The following CAMK1D variants were observed in gnomAD, a reference collection of about 807,000 sequenced individuals.
CAMK1D encodes the protein calcium/calmodulin dependent protein kinase ID.
Under a neutral mutation model 47.7 loss-of-function variants are expected in CAMK1D, and 9 were observed. The observed-to-expected ratio is 0.19, with a 90% CI of 0.11 to 0.33. The LOEUF is 0.33. CAMK1D is among the 10% of genes least tolerant of loss of function. CAMK1D has a pLI of 1.00. For missense variants in CAMK1D, 291 were observed against 488.7 expected (o/e 0.60, Z 3.81); for synonymous variants, 184 against 184.9 (o/e 0.99, Z 0.04).
At chr10:12,602,859 G>C (rs1838342934) in intron 2 of CAMK1D, among the ~76,000 whole-genome samples, 1 of 131,798 alleles carries the variant, frequency 7.6e-6, no homozygotes, top group South Asian at 2.3e-4. Flanking sequence ...GACCCACAGT[G>C]ACTCCCATAA....
In CAMK1D at chr10:12,509,791, G is replaced by A. The variant is rs1324668215; in HGVS notation, c.93-43434G>A. On this transcript the variant is annotated intron_variant, in intron 1 of 10. Coordinates refer to ENST00000619168, the MANE Select transcript of CAMK1D (RefSeq NM_153498.4). The stretch of plus-strand genomic sequence containing the variant: ...TCTAAGTGGTTCTTGTCTGAAACCA[G>A]GCTCTAGTAAAGTCCTGCCGTTCTA... 9.9e-5 allele frequency among the ~76,000 whole-genome samples: 15 copies of A among 152,156 alleles called. 1 individual carries two copies.
chr10:12,523,146 G>T (rs911202118), intron 1 of CAMK1D, among the ~76,000 whole-genome samples: 1 of 150,998 alleles, frequency 6.6e-6, no homozygotes, highest in Non-Finnish European at 1.5e-5. Context: ...CCTCCCAGAC[G>T]GGGTCGCGGC....
chr10:12,651,574 T>C (rs1210619310), intron 2 of CAMK1D, among the ~76,000 whole-genome samples: 2 of 151,852 alleles, frequency 1.3e-5, no homozygotes, highest in Non-Finnish European at 2.9e-5. Context: ...GTATTTTTTT[T>C]TTCTTTTTGG....
At chr10:12,381,568 C>T (rs1282443639) in intron 1 of CAMK1D, among the ~76,000 whole-genome samples, 5 of 152,078 alleles carry the variant, frequency 3.3e-5, no homozygotes, top group African/African-American at 9.7e-5. Flanking sequence ...TCAGGTGATC[C>T]GCCTGCCTTG....
In CAMK1D at chr10:12,681,727, CAACA is replaced by C. The variant is rs765582769; in HGVS notation, c.299+14920_299+14923del. ...CTAACATGGTATCAAACTTATTTGT[CAACA>C]AATACCCCATATTTTGGTATGTTGG... On this transcript the variant is annotated intron_variant, in intron 3 of 10. Coordinates refer to ENST00000619168, the MANE Select transcript of CAMK1D (RefSeq NM_153498.4). Among the ~76,000 whole-genome samples, 15 of 152,294 alleles carry C rather than the reference CAACA, an allele frequency of 9.8e-5. No homozygotes were observed. The East Asian group carries it at 1.2e-3, about 12-fold the overall frequency.
In CAMK1D at chr10:12,644,200, G is replaced by A. The variant is rs576523553; in HGVS notation, c.225-22536G>A. Among the ~76,000 whole-genome samples the A allele has an allele frequency of 4.6e-5, 7 of 152,224 alleles. No individual in the cohort carries two copies. In the South Asian group the frequency reaches 1.5e-3, roughly 32 times the overall value. ...AACCACTGGGCTGTTGGAGTTCCCC[G>A]TAAACTTCCCGCCCTATGGTCCCTC... On this transcript the variant is annotated intron_variant, in intron 2 of 10. Coordinates refer to ENST00000619168, the MANE Select transcript of CAMK1D (RefSeq NM_153498.4).
At chr10:12,434,180 A>T (rs1832564913) in intron 1 of CAMK1D, among the ~76,000 whole-genome samples, 1 of 152,098 alleles carries the variant, frequency 6.6e-6, no homozygotes, top group Non-Finnish European at 1.5e-5. Context: ...TTGAGTAACT[A>T]GTCCTAAGAT....
chr10:12,821,671 T>C (rs551010857), intron 8 of CAMK1D, among the ~76,000 whole-genome samples: 20 of 152,234 alleles, frequency 1.3e-4, no homozygotes, highest in Non-Finnish European at 2.4e-4. Context: ...ATTGTTCTTG[T>C]AGGTATTAAA....
chr10:12,587,822 G>GC (rs1554793074), intron 2 of CAMK1D, among the ~76,000 whole-genome samples: 1 of 151,698 alleles, frequency 6.6e-6, no homozygotes, highest in Non-Finnish European at 1.5e-5. Flanking sequence ...CCGTAGATTT[G>GC]TTTTTTTTAG....
intron 1 of CAMK1D, among the ~76,000 whole-genome samples, chr10:12,385,521 T>C (rs903606281): frequency 6.6e-6 from 1 of 152,228 alleles, no homozygotes; most frequent in African/African-American, 2.4e-5. Flanking sequence ...ACTGTGTGAT[T>C]CCATTTATAT....
intron 1 of CAMK1D, among the ~76,000 whole-genome samples, chr10:12,481,668 C>A (rs1834069871): frequency 6.6e-6 from 1 of 152,142 alleles, no homozygotes; most frequent in African/African-American, 2.4e-5. Flanking sequence ...TACCACCACG[C>A]CCGGCTAATT....
At chr10:12,581,508 G>A (rs1837663177) in intron 2 of CAMK1D, among the ~76,000 whole-genome samples, 1 of 152,150 alleles carries the variant, frequency 6.6e-6, no homozygotes, top group South Asian at 2.1e-4. Context: ...TCCACCAGCA[G>A]TGTAGAAGTG....
At chr10:12,649,740 C>G (rs1839909303) in intron 2 of CAMK1D, among the ~76,000 whole-genome samples, 1 of 152,158 alleles carries the variant, frequency 6.6e-6, no homozygotes, top group Non-Finnish European at 1.5e-5. Context: ...GCCATCATCA[C>G]CTCTGAAGAG....
intron 1 of CAMK1D, among the ~76,000 whole-genome samples, chr10:12,399,686 T>C (rs1205152053): frequency 1.3e-5 from 2 of 152,174 alleles, no homozygotes; most frequent in African/African-American, 4.8e-5. Flanking sequence ...TTTTGTGGAT[T>C]CTGTATTTGC....
intron 1 of CAMK1D, among the ~76,000 whole-genome samples, chr10:12,390,725 G>C (rs1286794457): frequency 6.6e-6 from 1 of 152,082 alleles, no homozygotes. Context: ...CTAGTCGAAC[G>C]TGTAAAGGAC....
intron 3 of CAMK1D, among the ~76,000 whole-genome samples, chr10:12,734,373 T>TATAG (rs1835052852): frequency 1.5e-4 from 2 of 13,508 alleles, no homozygotes; most frequent in African/African-American, 5.8e-4. Context: ...TATATATATA[T>TATAG]ATATAGATAT....
chr10:12,617,003 C>T (rs1254717904), intron 2 of CAMK1D, among the ~76,000 whole-genome samples: 1 of 151,926 alleles, frequency 6.6e-6, no homozygotes, highest in Non-Finnish European at 1.5e-5. Context: ...TTGGGGATCG[C>T]CTTTTTAATA....
rs187528622 is a variant in CAMK1D, at chr10:12,504,316, C to T, written c.93-48909C>T. ...AGTCCGACAGTCCAAGTCCGGAGGC[C>T]GGAGAACTGGGGGGATTTGGAGGGA... is the stretch of plus-strand genomic sequence containing the variant. On this transcript the variant is annotated intron_variant, in intron 1 of 10. Coordinates refer to ENST00000619168, the MANE Select transcript of CAMK1D (RefSeq NM_153498.4). 8.0e-4 allele frequency among the ~76,000 whole-genome samples: 121 copies of T among 152,130 alleles called. 1 individual carries two copies. The highest frequency in any genetic ancestry group is 2.4e-3 in the Admixed American group (37 of 15,268).
chr10:12,548,620 G>A (rs777387109), intron 1 of CAMK1D, among the ~76,000 whole-genome samples: 6 of 151,518 alleles, frequency 4.0e-5, no homozygotes, highest in Non-Finnish European at 7.4e-5. Flanking sequence ...GTACACCACC[G>A]TACCTGGCTA....
Sources: allele counts gnomAD v4.1 joint callset (sites outside exome capture counted in the v4.1 genomes callset), GRCh38; gene constraint gnomAD v4.1.1; transcripts MANE v1.5; gene names NCBI Gene and HGNC (gene_info 2026-07-23, HGNC 2026-07-21).